The following KCTD16 variants were observed in gnomAD, a reference collection of about 807,000 sequenced individuals.
KCTD16 encodes the protein potassium channel tetramerization domain containing 16, also known as BTB/POZ domain-containing protein KCTD16.
A neutral mutation model predicts 33.2 loss-of-function variants in KCTD16; 13 were observed. That is an observed-to-expected ratio of 0.39 (90% CI 0.25 to 0.62). KCTD16 has a LOEUF of 0.62. Ranked by LOEUF, KCTD16 falls within the 20% of genes least tolerant of loss-of-function variation. The pLI is 0.50. For synonymous variants in KCTD16, 197 were observed against 195.3 expected, an observed-to-expected ratio of 1.01 and a Z score of -0.07; for missense variants, 441 against 525.1, an observed-to-expected ratio of 0.84 and a Z score of 1.57.
At chr5:144,339,789 T>C (rs1752581911) in intron 3 of KCTD16, among the ~76,000 whole-genome samples, 1 of 152,208 alleles carries the variant, frequency 6.6e-6, no homozygotes. Context: ...ATGAAATACT[T>C]TGCTAAGTGC....
intron 3 of KCTD16, among the ~76,000 whole-genome samples, chr5:144,311,673 T>C (rs1349194684): frequency 6.6e-6 from 1 of 152,162 alleles, no homozygotes; most frequent in Non-Finnish European, 1.5e-5. Context: ...ATATATTCTG[T>C]CATAAACAGC....
intron 3 of KCTD16, among the ~76,000 whole-genome samples, chr5:144,269,242 A>C (rs1483446576): frequency 6.6e-6 from 1 of 152,048 alleles, no homozygotes; most frequent in African/African-American, 2.4e-5. Flanking sequence ...ACATCCAAGG[A>C]GCTCAAGAAA....
chr5:144,426,404 T>G (rs1753330335), intron 3 of KCTD16, among the ~76,000 whole-genome samples: 1 of 152,190 alleles, frequency 6.6e-6, no homozygotes, highest in Admixed American at 6.5e-5. Flanking sequence ...TATTGAGCTC[T>G]CACCAGAATC....
intron 3 of KCTD16, among the ~76,000 whole-genome samples, chr5:144,364,015 T>C (rs1013114067): frequency 1.3e-5 from 2 of 152,218 alleles, no homozygotes; most frequent in African/African-American, 4.8e-5. Flanking sequence ...TTTAGTTCTA[T>C]AGTTAAAGGG....
At chr5:144,218,337 C>T (rs1260102775) in intron 3 of KCTD16, among the ~76,000 whole-genome samples, 1 of 152,072 alleles carries the variant, frequency 6.6e-6, no homozygotes, top group African/African-American at 2.4e-5. Flanking sequence ...AATATTAATA[C>T]TTAGAGAGGA....
At chr5:144,464,264 C>G (rs1423282806) in intron 3 of KCTD16, among the ~76,000 whole-genome samples, 1 of 152,186 alleles carries the variant, frequency 6.6e-6, no homozygotes, top group African/African-American at 2.4e-5. Flanking sequence ...CAAATTAAAT[C>G]CTGCTTTTGC....
intron 1 of KCTD16, among the ~76,000 whole-genome samples, chr5:144,171,332 A>G (rs1287033327): frequency 6.6e-6 from 1 of 152,190 alleles, no homozygotes; most frequent in African/African-American, 2.4e-5. Context: ...ACCAGAAAAG[A>G]GAAGAAAGGG....
At chr5:144,178,181 G>T (rs143480471) in intron 2 of KCTD16, among the ~76,000 whole-genome samples, 1 of 152,126 alleles carries the variant, frequency 6.6e-6, no homozygotes, top group Non-Finnish European at 1.5e-5. Context: ...ATGAGTAAAA[G>T]CCTGCTAAAG....
At chr5:144,381,305 G>A (rs930196621) in intron 3 of KCTD16, among the ~76,000 whole-genome samples, 2 of 152,172 alleles carry the variant, frequency 1.3e-5, no homozygotes, top group Admixed American at 6.6e-5. Context: ...ACAGATATTG[G>A]CAAGGTTGTG....
intron 2 of KCTD16, among the ~76,000 whole-genome samples, chr5:144,202,690 A>G (rs1405347639): frequency 2.0e-5 from 3 of 151,312 alleles, no homozygotes; most frequent in African/African-American, 7.2e-5. Context: ...TGCTTACTAT[A>G]ATAAACAAAC....
chr5:144,406,825 T>G (rs1005920883), intron 3 of KCTD16, among the ~76,000 whole-genome samples: 2 of 152,168 alleles, frequency 1.3e-5, no homozygotes, highest in African/African-American at 2.4e-5. Context: ...AAGCTTCTGC[T>G]GGGGTATTTT....
At chr5:144,449,162 T>C (rs1013909317) in intron 3 of KCTD16, among the ~76,000 whole-genome samples, 7 of 151,986 alleles carry the variant, frequency 4.6e-5, no homozygotes, top group African/African-American at 9.7e-5. Flanking sequence ...AGAGAGCAGA[T>C]GGTCTCTTTT....
chr5:144,285,672 C>T (rs767631801), intron 3 of KCTD16, among the ~76,000 whole-genome samples: 3 of 152,200 alleles, frequency 2.0e-5, no homozygotes, highest in Non-Finnish European at 4.4e-5. Context: ...AAATATGGAA[C>T]TAATGAGTCA....
At chr5:144,423,732 G>A (rs1753261000) in intron 3 of KCTD16, among the ~76,000 whole-genome samples, 1 of 152,154 alleles carries the variant, frequency 6.6e-6, no homozygotes, top group African/African-American at 2.4e-5. Context: ...TAGATTCTTA[G>A]TTAATTCTAC....
chr5:144,371,279 T>A (rs1333753459), intron 3 of KCTD16, among the ~76,000 whole-genome samples: 2 of 152,174 alleles, frequency 1.3e-5, no homozygotes, highest in Non-Finnish European at 2.9e-5. Context: ...GTTTTTGAGA[T>A]CTTTCTGGAA....
intron 3 of KCTD16, among the ~76,000 whole-genome samples, chr5:144,341,482 A>G (rs1752641300): frequency 6.6e-6 from 1 of 152,240 alleles, no homozygotes. Flanking sequence ...AAGGCTTAGC[A>G]AAAACCCTCA....
At chr5:144,400,345 T>G (rs946010548) in intron 3 of KCTD16, among the ~76,000 whole-genome samples, 2 of 151,964 alleles carry the variant, frequency 1.3e-5, no homozygotes, top group African/African-American at 4.8e-5. Context: ...AGGAAGGAGG[T>G]GGTTAGCTAT....
At chr5:144,451,595 G>A (rs1014721934) in intron 3 of KCTD16, among the ~76,000 whole-genome samples, 2 of 152,072 alleles carry the variant, frequency 1.3e-5, no homozygotes, top group African/African-American at 2.4e-5. Context: ...GAAATAGAAC[G>A]CAGGCAGTTA....
intron 3 of KCTD16, among the ~76,000 whole-genome samples, chr5:144,230,218 T>C (rs1357392478): frequency 6.6e-6 from 1 of 152,214 alleles, no homozygotes; most frequent in Non-Finnish European, 1.5e-5. Context: ...AAATGTATTG[T>C]ATGGAATTGC....
Sources: gnomAD v4.1 joint callset for allele counts (sites outside exome capture counted in the v4.1 genomes callset) on GRCh38, gnomAD v4.1.1 for gene constraint, MANE v1.5 for transcripts, NCBI Gene and HGNC (gene_info 2026-07-23, HGNC 2026-07-21) for gene names.